The following RAB20 variants were observed in gnomAD, a reference collection of about 807,000 sequenced individuals.
The protein encoded by RAB20 is RAB20, member RAS oncogene family.
In RAB20, 2 loss-of-function variants were observed where a neutral mutation model predicts 3.7. That is an observed-to-expected ratio of 0.54 (90% confidence interval 0.22 to 1.69). The LOEUF is 1.69. Ranked by LOEUF, RAB20 falls within the 40% of genes most tolerant of loss-of-function variation. The pLI, the probability that RAB20 is intolerant of heterozygous loss-of-function variation, is 0.19. For synonymous variants in RAB20, 126 were observed against 130.8 expected, an observed-to-expected ratio of 0.96 and a Z score of 0.25; for missense variants, 276 against 311.9, an observed-to-expected ratio of 0.88 and a Z score of 0.87.
At position 110,524,152 on chromosome 13, in the gene RAB20, G is replaced by C. The variant is rs780762082; in HGVS notation, c.218C>G (p.Ala73Gly). ...HGLGSMYCRGAAAIILTYDVN... is the reference protein window; with the variant it reads ...HGLGSMYCRGGAAIILTYDVN... The stretch of plus-strand genomic sequence containing the variant: ...ATCATAGGTGAGGATGATGGCGGCC[G>C]CCCCCCGGCAGTACATGGAGCCCAG... Residue 73 changes from alanine to glycine, a missense_variant, in exon 2 of 2, where the codon GCG (alanine) becomes GGG (glycine). Coordinates refer to ENST00000267328, the MANE Select transcript of RAB20 (RefSeq NM_017817.3). 9.3e-6 allele frequency: 15 copies of C among 1,605,824 alleles called. No individual in the cohort carries two copies. Among genetic ancestry groups the C allele is most frequent in the Non-Finnish European group, 1.2e-5 (14 of 1,179,468 alleles).
chr13:110,557,814 C>T (rs967430803), intron 1 of RAB20, among the ~76,000 whole-genome samples: 1 of 152,240 alleles, frequency 6.6e-6, no homozygotes, highest in African/African-American at 2.4e-5. Flanking sequence ...GCCTCCCGGC[C>T]GCCAGGCCAC....
chr13:110,554,152 C>T (rs1314362467), intron 1 of RAB20, among the ~76,000 whole-genome samples: 1 of 152,118 alleles, frequency 6.6e-6, no homozygotes, highest in East Asian at 1.9e-4. Flanking sequence ...ATAAAATCCC[C>T]CTGGCTCCAC....
chr13:110,525,408 C>G lies in RAB20; in HGVS notation c.173-1211G>C, dbSNP rs1390702982. Among the ~76,000 whole-genome samples, 3 of 152,250 alleles carry G rather than the reference C, an allele frequency of 2.0e-5. No homozygotes were observed. The East Asian group carries it at 5.8e-4, about 29-fold the overall frequency. On this transcript the variant is annotated intron_variant, in intron 1 of 1. Coordinates refer to ENST00000267328, the MANE Select transcript of RAB20 (RefSeq NM_017817.3). Reference sequence around the variant, plus strand: ...CTCCCCACAGGTAACACCTGCACATCCGTACTGTTCTGTTCCCAACGTCTG... The same window carrying G: ...CTCCCCACAGGTAACACCTGCACATGCGTACTGTTCTGTTCCCAACGTCTG...
At chr13:110,526,741 G>A (rs1215376443) in intron 1 of RAB20, among the ~76,000 whole-genome samples, 1 of 152,218 alleles carries the variant, frequency 6.6e-6, no homozygotes, top group Non-Finnish European at 1.5e-5. Context: ...AGGGCCAGCA[G>A]GTGCTTCCAT....
intron 1 of RAB20, among the ~76,000 whole-genome samples, chr13:110,557,220 C>A (rs1327931666): frequency 6.6e-6 from 1 of 152,144 alleles, no homozygotes; most frequent in Non-Finnish European, 1.5e-5. Context: ...CTGAGTCGTG[C>A]CCCACAGCTG....
chr13:110,559,941 A>G (rs564360364), intron 1 of RAB20, among the ~76,000 whole-genome samples: 82 of 152,314 alleles, frequency 5.4e-4, no homozygotes, highest in African/African-American at 1.8e-3. Flanking sequence ...GGGTCCCCCA[A>G]TAACACTCCT....
In RAB20 at chr13:110,555,268, G is replaced by A. The variant is rs929540791; in HGVS notation, c.172+6080C>T. On this transcript the variant is annotated intron_variant, in intron 1 of 1. Transcript: ENST00000267328. This position sits in a 1 kb window ranked among gnomAD's most constrained non-coding sequence, Gnocchi z 4.0. ...CACAAACCTCCAACTACTCTAACGC[G>A]CCGGAATAGAACTCAAATGAGGCTT... Among the ~76,000 whole-genome samples, 2 of 152,116 alleles carry A rather than the reference G, an allele frequency of 1.3e-5. No homozygotes were observed. The highest frequency in any genetic ancestry group is 2.4e-5 in the African/African-American group (1 of 41,410).
At chr13:110,561,261 C>G in intron 1 of RAB20, 87 bp downstream of exon 1, 1 of 1,421,378 alleles carries the variant, frequency 7.0e-7, no homozygotes. Flanking sequence ...GGACCCTGTG[C>G]GCGGCCGGGT....
chr13:110,556,966 G>T (rs556792952), intron 1 of RAB20, among the ~76,000 whole-genome samples: 1 of 152,224 alleles, frequency 6.6e-6, no homozygotes, highest in Non-Finnish European at 1.5e-5. Flanking sequence ...AGATCTGGGA[G>T]GATCTGAGGA....
At chr13:110,537,610 G>A (rs1280422396) in intron 1 of RAB20, among the ~76,000 whole-genome samples, 2 of 151,642 alleles carry the variant, frequency 1.3e-5, no homozygotes, top group African/African-American at 2.4e-5. Flanking sequence ...TAGACATAAG[G>A]AGCTGCATCC....
At chr13:110,546,203 C>A (rs1019395294) in intron 1 of RAB20, among the ~76,000 whole-genome samples, 52 of 152,288 alleles carry the variant, frequency 3.4e-4, no homozygotes, top group African/African-American at 9.9e-4. Flanking sequence ...GAGTCGAGAA[C>A]CATGCTGGGC....
rs146887958 is a variant in RAB20 at position 110,547,690 on chromosome 13, C to T, written c.172+13658G>A. 2.3e-3 allele frequency among the ~76,000 whole-genome samples: 353 copies of T among 152,296 alleles called. 2 individuals are homozygous for T. Among genetic ancestry groups the T allele is most frequent in the African/African-American group, 8.1e-3 (335 of 41,560 alleles). On this transcript the variant is annotated intron_variant, in intron 1 of 1. Coordinates refer to ENST00000267328, the MANE Select transcript of RAB20 (RefSeq NM_017817.3). The stretch of plus-strand genomic sequence containing the variant: ...TGGAAAATAACCTTGCTACCTGCTA[C>T]GGTGCCAGAGAGGATTAAAGGAGCT...
intron 1 of RAB20, among the ~76,000 whole-genome samples, chr13:110,559,456 C>G (rs971397734): frequency 2.6e-5 from 4 of 152,192 alleles, no homozygotes; most frequent in Non-Finnish European, 2.9e-5. Context: ...TCCTACCTCT[C>G]TTTTCCCTTC....
At chr13:110,538,253 A>AAAAG (rs1390092973) in intron 1 of RAB20, among the ~76,000 whole-genome samples, 37 of 150,092 alleles carry the variant, frequency 2.5e-4, no homozygotes, top group African/African-American at 7.6e-4. Flanking sequence ...AAAAAAAAAA[A>AAAAG]AAAGAAAGAA....
At position 110,523,572 on chromosome 13, in the gene RAB20, T is replaced by C; in HGVS notation, c.*93A>G. 16 of 1,514,516 alleles carry C rather than the reference T, an allele frequency of 1.1e-5. No homozygotes were observed. Among genetic ancestry groups the C allele is most frequent in the Non-Finnish European group, 1.3e-5 (15 of 1,131,804 alleles). The allele number at this position is 1,514,516 out of a possible 1,614,324, so 93.8% of individuals were successfully genotyped here. Reference sequence around the variant, plus strand: ...CTGCGGGTGTCATTCTGGAAAATAATTCCTTGCTGTTCCTTGCTCCTTTCA... The same window carrying C: ...CTGCGGGTGTCATTCTGGAAAATAACTCCTTGCTGTTCCTTGCTCCTTTCA... On this transcript the variant is annotated 3_prime_UTR_variant, in exon 2 of 2. Coordinates refer to ENST00000267328, the MANE Select transcript of RAB20 (RefSeq NM_017817.3).
At chr13:110,543,280 C>T (rs1213582850) in intron 1 of RAB20, among the ~76,000 whole-genome samples, 1 of 152,102 alleles carries the variant, frequency 6.6e-6, no homozygotes, top group Non-Finnish European at 1.5e-5. Flanking sequence ...AGATGTGCAC[C>T]ACCTCCCCTG....
chr13:110,525,262 G>A lies in RAB20; in HGVS notation c.173-1065C>T, dbSNP rs547958030. Reference sequence around the variant, plus strand: ...CCAGGGCACTGGAACACCCGCCACCGTCCTACATTTAAACGCAGAGACCCC... The same window carrying A: ...CCAGGGCACTGGAACACCCGCCACCATCCTACATTTAAACGCAGAGACCCC... On this transcript the variant is annotated intron_variant, in intron 1 of 1. Transcript: ENST00000267328. Among the ~76,000 whole-genome samples, 396 of 152,346 alleles carry A rather than the reference G, an allele frequency of 2.6e-3. 3 individuals carry two copies. The highest frequency in any genetic ancestry group is 8.7e-3 in the African/African-American group (362 of 41,572).
Position 110,550,285 on chromosome 13 carries a change from C to T in RAB20, c.172+11063G>A, listed in dbSNP as rs182078620. Among the ~76,000 whole-genome samples, 269 of 152,270 alleles carry T rather than the reference C, an allele frequency of 1.8e-3. 3 individuals carry two copies. Among genetic ancestry groups the T allele is most frequent in the Admixed American group, 0.016 (243 of 15,300 alleles). Reference sequence around the variant, plus strand: ...ACCTTGCTCCATGTGTCTCTTCATGCGGTTGTTCATTTGTATCCTTTGCAA... The same window carrying T: ...ACCTTGCTCCATGTGTCTCTTCATGTGGTTGTTCATTTGTATCCTTTGCAA... On this transcript the variant is annotated intron_variant, in intron 1 of 1. Coordinates refer to ENST00000267328, the MANE Select transcript of RAB20 (RefSeq NM_017817.3).
In RAB20 at chr13:110,551,892, G is replaced by C. The variant is rs540221313; in HGVS notation, c.172+9456C>G. Among the ~76,000 whole-genome samples, 10 of 144,252 alleles carry C rather than the reference G, an allele frequency of 6.9e-5. No individual in the cohort carries two copies. The Admixed American group carries it at 7.2e-4, about 10-fold the overall frequency. The allele number at this position is 144,252 out of a possible 152,430, so 94.6% of individuals were successfully genotyped here. On this transcript the variant is annotated intron_variant, in intron 1 of 1. Coordinates refer to ENST00000267328, the MANE Select transcript of RAB20 (RefSeq NM_017817.3). The stretch of plus-strand genomic sequence containing the variant: ...GCCCAGGAGTTCAAGACCAGCCTGG[G>C]CAACATACTGAGACCCCTGTCTCTA...
Sources: allele counts gnomAD v4.1 joint callset (sites outside exome capture counted in the v4.1 genomes callset), GRCh38; gene constraint gnomAD v4.1.1; non-coding constraint Gnocchi (gnomAD v3.1); transcripts MANE v1.5; gene names NCBI Gene and HGNC (gene_info 2026-07-23, HGNC 2026-07-21).